The following HECW2 variants were observed in gnomAD, a reference collection of about 807,000 sequenced individuals.
HECW2 encodes the protein HECT, C2 and WW domain containing E3 ubiquitin protein ligase 2.
A neutral mutation model predicts 175.2 loss-of-function variants in HECW2; 61 were observed. The observed-to-expected ratio is 0.35, with a 90% CI of 0.28 to 0.43. The LOEUF (loss-of-function observed/expected upper bound fraction) is 0.43, where lower values mean the gene tolerates loss of function less well. Among genes scored for constraint, HECW2 ranks in the 20% least tolerant of loss-of-function variants. HECW2 has a pLI of 1.00. For synonymous variants in HECW2, 671 were observed against 731.0 expected, an observed-to-expected ratio of 0.92 and a Z score of 1.32; for missense variants, 1,524 against 2,000.5, an observed-to-expected ratio of 0.76 and a Z score of 4.54.
intron 13 of HECW2, among the ~76,000 whole-genome samples, chr2:196,299,921 T>A (rs536761589): frequency 3.9e-4 from 41 of 105,152 alleles, no homozygotes; most frequent in African/African-American, 1.0e-3. Context: ...AGAGCGAAAC[T>A]CTGTCTCAAA....
chr2:196,555,090 G>A (rs571180438), intron 1 of HECW2, among the ~76,000 whole-genome samples: 196 of 152,178 alleles, frequency 1.3e-3, no homozygotes, highest in Non-Finnish European at 2.6e-3. Context: ...CCTAAAATAG[G>A]AATGAACAGA....
chr2:196,258,783 A>C (rs1247549557), intron 17 of HECW2, among the ~76,000 whole-genome samples: 1 of 152,232 alleles, frequency 6.6e-6, no homozygotes, highest in Non-Finnish European at 1.5e-5. Context: ...TACTAAAATC[A>C]TTCTATTTCA....
At chr2:196,308,620 C>A (rs565114135) in intron 10 of HECW2, among the ~76,000 whole-genome samples, 77 of 152,310 alleles carry the variant, frequency 5.1e-4, no homozygotes, top group African/African-American at 1.8e-3. Flanking sequence ...TATCTACAAA[C>A]TTCTATTTGC....
At chr2:196,519,955 A>G (rs995351420) in intron 1 of HECW2, among the ~76,000 whole-genome samples, 1 of 152,196 alleles carries the variant, frequency 6.6e-6, no homozygotes, top group Admixed American at 6.5e-5. Context: ...GGTGCTGCAG[A>G]TATTAGAGAT....
Position 196,207,072 on chromosome 2 carries a change from G to A in HECW2, c.4608-5684C>T, listed in dbSNP as rs560757461. On this transcript the variant is annotated intron_variant, in intron 28 of 28. Transcript: ENST00000644978. Reference sequence around the variant, plus strand: ...ATCAGGAAACCTGAGAGGGGCAAGCGCCTAAGGGACAGGAGGCAAGGTTGG... The same window carrying A: ...ATCAGGAAACCTGAGAGGGGCAAGCACCTAAGGGACAGGAGGCAAGGTTGG... Among the ~76,000 whole-genome samples the A allele has an allele frequency of 4.6e-5, 7 of 152,324 alleles. No homozygotes were observed. In the South Asian group the frequency reaches 8.3e-4, roughly 18 times the overall value.
chr2:196,430,179 G>A (rs1400954755), intron 2 of HECW2, among the ~76,000 whole-genome samples: 1 of 152,098 alleles, frequency 6.6e-6, no homozygotes, highest in African/African-American at 2.4e-5. Flanking sequence ...GACCAAATTC[G>A]GAGGATGAAT....
intron 1 of HECW2, among the ~76,000 whole-genome samples, chr2:196,451,812 T>C (rs1213888279): frequency 6.6e-6 from 1 of 152,072 alleles, no homozygotes; most frequent in Admixed American, 6.5e-5. Context: ...GGTGGGAGGA[T>C]CCCTTGAACC....
chr2:196,236,046 T>A (rs1174758386), intron 21 of HECW2, among the ~76,000 whole-genome samples: 1 of 152,188 alleles, frequency 6.6e-6, no homozygotes, highest in Non-Finnish European at 1.5e-5. Flanking sequence ...AGGTAAAATA[T>A]AATCACTGAA....
At chr2:196,580,396 A>T (rs1359279585) in intron 1 of HECW2, among the ~76,000 whole-genome samples, 1 of 152,220 alleles carries the variant, frequency 6.6e-6, no homozygotes, top group African/African-American at 2.4e-5. Flanking sequence ...TGAAAAAACA[A>T]TCTACAAAAC....
Position 196,318,732 on chromosome 2 carries a change from G to A in HECW2, c.2158C>T (p.Pro720Ser), listed in dbSNP as rs1301715926. Residue 720 changes from proline (P) to serine (S), a missense_variant, in exon 9 of 29, where the codon CCA becomes TCA. Pro to Ser is a moderately conservative substitution (Grantham distance 74, BLOSUM62 -1). Transcript: ENST00000644978. ...VQVPSGEDEG[P>S]GAESATVPDQ... ...GGTACAGTGGCCGATTCTGCCCCTG[G>A]CCCTTCATCCTCCCCACTGGGCACC... is the stretch of plus-strand genomic sequence containing the variant. The A allele has an allele frequency of 3.2e-6, 5 of 1,543,936 alleles. No individual in the cohort carries two copies. The highest frequency in any genetic ancestry group is 1.4e-5 in the African/African-American group (1 of 72,546).
rs957541463 is a variant in HECW2, at chr2:196,542,967, G to C, written c.-36+50541C>G. ...TATATTTATATATTAATGATATATA[G>C]GTATTATACATATCTAATATATATA... On this transcript the variant is annotated intron_variant, in intron 1 of 28. Transcript: ENST00000644978. Among the ~76,000 whole-genome samples the C allele has an allele frequency of 2.7e-5, 4 of 147,394 alleles. No individual in the cohort carries two copies. In the Admixed American group the frequency reaches 2.7e-4, roughly 10 times the overall value.
intron 2 of HECW2, among the ~76,000 whole-genome samples, chr2:196,369,068 G>A (rs535650005): frequency 7.8e-4 from 119 of 152,136 alleles, no homozygotes; most frequent in African/African-American, 2.6e-3. Context: ...TGAAGAGTTA[G>A]GTATTTATTG....
intron 10 of HECW2, among the ~76,000 whole-genome samples, chr2:196,309,099 A>C (rs577270776): frequency 4.5e-4 from 69 of 152,230 alleles, no homozygotes; most frequent in Non-Finnish European, 4.4e-5. Context: ...AATCCTGGAG[A>C]CCAGAAGGAG....
intron 1 of HECW2, among the ~76,000 whole-genome samples, chr2:196,583,697 A>AAT (rs1332304335): frequency 6.6e-6 from 1 of 152,236 alleles, no homozygotes; most frequent in Non-Finnish European, 1.5e-5. Context: ...TGTGTCAATT[A>AAT]ATATCTGATC....
chr2:196,477,424 A>C (rs1415459982), intron 1 of HECW2, among the ~76,000 whole-genome samples: 1 of 152,216 alleles, frequency 6.6e-6, no homozygotes, highest in East Asian at 1.9e-4. Flanking sequence ...AAATAAAGAA[A>C]ACAGTTCTTC....
chr2:196,302,621 A>G (rs971776273), intron 13 of HECW2, among the ~76,000 whole-genome samples: 1 of 152,164 alleles, frequency 6.6e-6, no homozygotes, highest in African/African-American at 2.4e-5. Context: ...TTTTCCTTGA[A>G]GAAGTCCTTC....
rs924285962 is a variant in HECW2 at position 196,326,139 on chromosome 2, C to G, written c.572-990G>C. Among the ~76,000 whole-genome samples the G allele has an allele frequency of 2.0e-5, 3 of 152,126 alleles. No individual in the cohort carries two copies. In the East Asian group the frequency reaches 5.8e-4, roughly 29 times the overall value. On this transcript the variant is annotated intron_variant, in intron 5 of 28. Transcript: ENST00000644978. ...GAACCTCCAAAGACCTTTGAATTAC[C>G]CAGATTAGCTGGCAACCAGATCCTG...
At chr2:196,367,121 T>A (rs1215091371) in intron 2 of HECW2, among the ~76,000 whole-genome samples, 1 of 152,184 alleles carries the variant, frequency 6.6e-6, no homozygotes, top group Admixed American at 6.6e-5. Context: ...TCTAACATAT[T>A]CACATTAGTG....
chr2:196,309,275 T>A (rs530144992), intron 10 of HECW2, among the ~76,000 whole-genome samples: 13 of 152,308 alleles, frequency 8.5e-5, no homozygotes, highest in African/African-American at 3.1e-4. Flanking sequence ...ACATCTTTTG[T>A]TGATCTCAGC....
Sources: gnomAD v4.1 joint callset for allele counts (sites outside exome capture counted in the v4.1 genomes callset) on GRCh38, gnomAD v4.1.1 for gene constraint, MANE v1.5 for transcripts, NCBI Gene and HGNC (gene_info 2026-07-23, HGNC 2026-07-21) for gene names.